KCNJ16: variants seen among roughly 807,000 people sequenced by gnomAD.
KCNJ16 encodes the protein inward rectifier potassium channel 16.
Under a neutral mutation model 18.5 loss-of-function variants are expected in KCNJ16, and 15 were observed. That is an observed-to-expected ratio of 0.81 (90% CI 0.54 to 1.25). The LOEUF (loss-of-function observed/expected upper bound fraction) is 1.25. Ranked by LOEUF, KCNJ16 falls within the 50% of genes most tolerant of loss-of-function variation. The probability of loss-of-function intolerance (pLI) is 0.00; values close to 1 mark genes in which losing one functional copy is unlikely to be tolerated. For missense variants in KCNJ16, 523 were observed against 525.7 expected (o/e 0.99, Z 0.05); for synonymous variants, 174 against 186.5 (o/e 0.93, Z 0.55).
chr17:70,078,875 C>T (rs1203012358), intron 1 of KCNJ16, among the ~76,000 whole-genome samples: 11 of 152,254 alleles, frequency 7.2e-5, no homozygotes, highest in East Asian at 3.9e-4. Flanking sequence ...TAATATTGTC[C>T]TGCGTGTGCT....
intron 2 of KCNJ16, chr17:70,102,090 C>G (rs534078478): frequency 6.6e-6 from 1 of 152,046 alleles, no homozygotes; most frequent in Non-Finnish European, 1.5e-5. Flanking sequence ...TGGTTAGTAA[C>G]ATCACATGCA....
intron 2 of KCNJ16, chr17:70,102,166 A>G (rs945602107): frequency 6.0e-5 from 9 of 150,066 alleles, no homozygotes; most frequent in Non-Finnish European, 1.2e-4. Flanking sequence ...CAATGAAACT[A>G]CGAGACCAAT....
chr17:70,127,961 A>T (rs1280867862), intron 2 of KCNJ16: 1 of 152,224 alleles, frequency 6.6e-6, no homozygotes, highest in Admixed American at 6.5e-5. Flanking sequence ...ATATCATGTT[A>T]AGTAGATGCT....
intron 2 of KCNJ16, among the ~76,000 whole-genome samples, chr17:70,117,575 A>C (rs189161655): frequency 4.7e-5 from 7 of 148,978 alleles, no homozygotes; most frequent in African/African-American, 1.8e-4. Context: ...TATCTGCAAC[A>C]GGGAGATGTA....
At position 70,100,767 on chromosome 17, in the gene KCNJ16, G is replaced by C. The variant is rs7226242; in HGVS notation, c.-191+1G>C. ...TGCTGTGTTGCCTCTCACTTTAAAG[G>C]TAAGAAATTAAACCAATTTTAACAT... On this transcript the variant is annotated splice_donor_variant, in intron 2 of 3. Transcript: ENST00000392671. LOFTEE classifies it low-confidence loss of function (5UTR_SPLICE). The C allele has an allele frequency of 6.6e-6, 1 of 152,026 alleles. No homozygotes were observed. The highest frequency in any genetic ancestry group is 1.5e-5 in the Non-Finnish European group (1 of 68,002). The allele number at this position is 152,026 out of a possible 1,614,324, so 9.4% of individuals were successfully genotyped here. A position where few individuals can be genotyped will look rare whatever the true frequency, so the allele number is the denominator to read the frequency against.
chr17:70,095,293 G>T (rs1266078972), intron 1 of KCNJ16, among the ~76,000 whole-genome samples: 1 of 149,786 alleles, frequency 6.7e-6, no homozygotes, highest in Non-Finnish European at 1.5e-5. Context: ...CATAATCTCT[G>T]CAGGAACCAG....
rs139764244 is a variant in KCNJ16 at position 70,085,244 on chromosome 17, C to T, written c.-300+9854C>T. Among the ~76,000 whole-genome samples, 214 of 152,310 alleles carry T rather than the reference C, an allele frequency of 1.4e-3. 1 individual carries two copies. Among genetic ancestry groups the T allele is most frequent in the African/African-American group, 5.1e-3 (210 of 41,558 alleles). On this transcript the variant is annotated intron_variant, in intron 1 of 3. Transcript: ENST00000392671. ...ACAAAGGAACATGTGTCAGACATTA[C>T]ATTTTCCATTTATTTTTAAATTTCA...
chr17:70,133,259 C>G lies in KCNJ16; in HGVS notation c.1172C>G (p.Thr391Ser). 2.5e-6 allele frequency: 4 copies of G among 1,614,144 alleles called. No individual in the cohort carries two copies. The highest frequency in any genetic ancestry group is 3.4e-6 in the Non-Finnish European group (4 of 1,179,998). Residue 391 changes from threonine (T) to serine (S), a missense_variant, in exon 4 of 4, where the codon ACT (threonine) becomes AGT (serine). Physicochemically the swap from Thr to Ser is moderately conservative, Grantham distance 58 (BLOSUM62 1). Transcript: ENST00000392671. Reference sequence around the variant, plus strand: ...TGTGAAAACCCTGAGGAGACCACCACTTCCGCCACACATGAATATAGGGAA... The same window carrying G: ...TGTGAAAACCCTGAGGAGACCACCAGTTCCGCCACACATGAATATAGGGAA... Reference protein sequence around the residue: ...SSCENPEETTTSATHEYRETP... With the variant: ...SSCENPEETTSSATHEYRETP...
intron 2 of KCNJ16, among the ~76,000 whole-genome samples, chr17:70,107,454 C>A (rs1212215717): frequency 6.6e-6 from 1 of 152,130 alleles, no homozygotes; most frequent in Non-Finnish European, 1.5e-5. Context: ...TTAGAGACTA[C>A]CCTTGTAGCC....
intron 2 of KCNJ16, among the ~76,000 whole-genome samples, chr17:70,110,155 C>T (rs1357610958): frequency 6.6e-6 from 1 of 152,286 alleles, no homozygotes; most frequent in African/African-American, 2.4e-5. Flanking sequence ...GACTCTCCAT[C>T]GTCACCTGTT....
intron 2 of KCNJ16, among the ~76,000 whole-genome samples, chr17:70,103,197 T>C (rs1399681463): frequency 6.9e-6 from 1 of 145,230 alleles, no homozygotes; most frequent in Non-Finnish European, 1.5e-5. Flanking sequence ...AATATATATG[T>C]GTATATATAT....
chr17:70,098,533 G>T (rs2072483300), intron 1 of KCNJ16, among the ~76,000 whole-genome samples: 1 of 145,002 alleles, frequency 6.9e-6, no homozygotes. Context: ...TTTTCCCTTT[G>T]ATTAAAAAAA....
rs2073464881 is a variant in KCNJ16, at chr17:70,117,629, T to C, written c.-190-13250T>C. The stretch of plus-strand genomic sequence containing the variant: ...AGAACTGTCAACACTGATGTTTTTA[T>C]AGTCTTAGGAGTACTAACTCTCTTA... On this transcript the variant is annotated intron_variant, in intron 2 of 3. Coordinates refer to ENST00000392671, the MANE Select transcript of KCNJ16 (RefSeq NM_170741.4). Among the ~76,000 whole-genome samples the C allele has an allele frequency of 2.0e-5, 3 of 152,216 alleles. No individual in the cohort carries two copies. In the South Asian group the frequency reaches 6.2e-4, roughly 31 times the overall value.
chr17:70,126,914 T>C (rs908987062), intron 2 of KCNJ16, among the ~76,000 whole-genome samples: 2 of 152,206 alleles, frequency 1.3e-5, no homozygotes, highest in Non-Finnish European at 1.5e-5. Flanking sequence ...TATAATCAGA[T>C]GTAGATACTA....
chr17:70,103,219 T>C (rs1452129642), intron 2 of KCNJ16, among the ~76,000 whole-genome samples: 1 of 143,208 alleles, frequency 7.0e-6, no homozygotes, highest in Non-Finnish European at 1.5e-5. Context: ...TTTGTGTATA[T>C]ATATGTGTAT....
intron 1 of KCNJ16, among the ~76,000 whole-genome samples, chr17:70,083,933 T>A (rs2071674906): frequency 6.6e-6 from 1 of 152,034 alleles, no homozygotes; most frequent in Non-Finnish European, 1.5e-5. Context: ...AAGCCCATGT[T>A]GGTGTCCCAT....
intron 3 of KCNJ16, 70 bp from the exon 4 acceptor site, chr17:70,131,925 A>C (rs1054126893): frequency 2.1e-6 from 3 of 1,410,716 alleles, no homozygotes; most frequent in African/African-American, 2.9e-5. Flanking sequence ...ACTGCTCCAA[A>C]TTTGGCAAAT....
chr17:70,101,445 A>C (rs1435180507), intron 2 of KCNJ16: 1 of 152,222 alleles, frequency 6.6e-6, no homozygotes, highest in Non-Finnish European at 1.5e-5. Context: ...AGCTACATTA[A>C]CATATCAATC....
At chr17:70,088,689 A>T (rs2071950336) in intron 1 of KCNJ16, among the ~76,000 whole-genome samples, 2 of 152,138 alleles carry the variant, frequency 1.3e-5, no homozygotes, top group Admixed American at 6.5e-5. Context: ...CTATATTCAA[A>T]ATGGTTAGTG....
Sources: gnomAD v4.1 joint callset for allele counts (sites outside exome capture counted in the v4.1 genomes callset) on GRCh38, gnomAD v4.1.1 for gene constraint, MANE v1.5 for transcripts, NCBI Gene and HGNC (gene_info 2026-07-23, HGNC 2026-07-21) for gene names.